PRAMEF1: variants seen among roughly 807,000 people sequenced by gnomAD.
The protein encoded by PRAMEF1 is PRAME family member 1.
PRAMEF1 carries 21 observed loss-of-function variants against 38.2 expected under a neutral mutation model. The ratio of observed to expected loss-of-function variants is 0.55; its 90% CI spans 0.39 to 0.79. The LOEUF (loss-of-function observed/expected upper bound fraction) is 0.79. Among genes scored for constraint, PRAMEF1 ranks in the 30% least tolerant of loss-of-function variants. The pLI is 0.00. For synonymous variants in PRAMEF1, 200 were observed against 229.0 expected (o/e 0.87, Z 1.14); for missense variants, 497 against 565.8 (o/e 0.88, Z 1.23).
chr1:12,794,601 T>C (rs1369211571), intron 3 of PRAMEF1, 108 bp downstream of exon 3: 2 of 1,537,004 alleles, frequency 1.3e-6, no homozygotes, highest in East Asian at 2.3e-5. Flanking sequence ...AACGTCACAG[T>C]GAAGGGGACA....
At position 12,795,598 on chromosome 1, in the gene PRAMEF1, C is replaced by T. The variant is rs752113237; in HGVS notation, c.1027C>T (p.Leu343=). The change falls in exon 4 of 4, where the codon CTG becomes TTG. Residue 343 remains leucine, a synonymous_variant. Coordinates refer to ENST00000332296, the MANE Select transcript of PRAMEF1 (RefSeq NM_023013.4). The part of the protein sequence containing the change: ...FRISLEPLGA[L]LEKIAASLKT... ...CATCAGTCTTGAACCCCTCGGAGCT[C>T]TGCTGGAGAAAATTGCTGCCTCTCT... is the stretch of plus-strand genomic sequence containing the variant. 4 of 1,612,128 alleles carry T rather than the reference C, an allele frequency of 2.5e-6. No individual in the cohort carries two copies. The highest frequency in any genetic ancestry group is 1.1e-5 in the South Asian group (1 of 90,988).
In PRAMEF1 at chr1:12,795,510, C is replaced by T. The variant is rs1489903603; in HGVS notation, c.939C>T (p.Leu313=). The T allele has an allele frequency of 6.2e-7, 1 of 1,612,310 alleles. No individual in the cohort carries two copies. Among genetic ancestry groups the T allele is most frequent in the African/African-American group, 1.3e-5 (1 of 74,754 alleles). Residue 313 remains leucine (L), a synonymous_variant, in exon 4 of 4, where the codon CTC becomes CTT. Coordinates refer to ENST00000332296, the MANE Select transcript of PRAMEF1 (RefSeq NM_023013.4). ...TATTGGAAGAAGACATGAAGTGTCT[C>T]TCCCAGTACCCAAGCCTCGGTTACC... ...GYLLEEDMKC[L]SQYPSLGYLK...
rs1639358960 is a variant in PRAMEF1, at chr1:12,794,584, C to T, written c.866+91C>T. ...TAGAATGCATGTACTGTGTGCCAGC[C>T]AGTGGCAACGTCACAGTGAAGGGGA... On this transcript the variant is annotated intron_variant, in intron 3 of 3. Transcript: ENST00000332296. The T allele has an allele frequency of 1.2e-5, 18 of 1,533,876 alleles. No individual in the cohort carries two copies. The South Asian group carries it at 1.9e-4, about 16-fold the overall frequency.
At position 12,795,759 on chromosome 1, in the gene PRAMEF1, C is replaced by T; in HGVS notation, c.1188C>T (p.Asp396=). 1.9e-6 allele frequency: 3 copies of T among 1,611,210 alleles called. No individual in the cohort carries two copies. The African/African-American group carries it at 4.0e-5, about 22-fold the overall frequency. The change falls in exon 4 of 4, where the codon GAC becomes GAT. Residue 396 remains aspartate (D), a synonymous_variant. Transcript: ENST00000332296. ...RNCMSIDALK[D]LLRHTSGLSK... is the part of the protein sequence containing the mutation. Reference sequence around the variant, plus strand: ...GCATGTCTATTGACGCCCTGAAGGACCTGCTGCGCCACACCAGTGGGCTGA... The same window carrying T: ...GCATGTCTATTGACGCCCTGAAGGATCTGCTGCGCCACACCAGTGGGCTGA...
intron 1 of PRAMEF1, among the ~76,000 whole-genome samples, chr1:12,791,691 C>T (rs1350992221): frequency 6.6e-6 from 1 of 150,746 alleles, no homozygotes; most frequent in Non-Finnish European, 1.5e-5. Flanking sequence ...CTTATCGAAG[C>T]AGGTTTTTTA....
rs1249013526 is a variant in PRAMEF1 at position 12,793,329 on chromosome 1, G to A, written c.102G>A (p.Val34=). 1.9e-5 allele frequency: 31 copies of A among 1,609,096 alleles called. 1 individual carries two copies. The highest frequency in any genetic ancestry group is 2.5e-5 in the Non-Finnish European group (30 of 1,177,808). ...SISAMEELPR[V]LYLPLFMEAF... ...CTGCCATGGAGGAGCTGCCCAGGGT[G>A]CTCTATCTCCCACTCTTCATGGAGG... Residue 34 remains valine, a synonymous_variant, in exon 2 of 4, where the codon GTG becomes GTA. Transcript: ENST00000332296.
chr1:12,794,194 A>G lies in PRAMEF1; in HGVS notation c.567A>G (p.Leu189=). 3.1e-6 allele frequency: 5 copies of G among 1,611,452 alleles called. No individual in the cohort carries two copies. The highest frequency in any genetic ancestry group is 4.2e-6 in the Non-Finnish European group (5 of 1,178,424). The stretch of plus-strand genomic sequence containing the variant: ...GCTGTAGTAAGCTGGTCAATTATCT[A>G]ACGCCGATTAAATATCTCAGAAAGT... ...HLCCSKLVNY[L]TPIKYLRKSL... is the part of the protein sequence containing the mutation. Residue 189 remains leucine, a synonymous_variant, in exon 3 of 4, where the codon CTA becomes CTG. Transcript: ENST00000332296.
intron 1 of PRAMEF1, among the ~76,000 whole-genome samples, chr1:12,792,270 C>T (rs1282908020): frequency 6.6e-6 from 1 of 151,354 alleles, no homozygotes. Context: ...GATCTGCCCA[C>T]CTCAGACTCC....
At position 12,793,199 on chromosome 1, in the gene PRAMEF1, C is replaced by G. The variant is rs1277464782; in HGVS notation, c.-25-4C>G. 2 of 1,606,044 alleles carry G rather than the reference C, an allele frequency of 1.2e-6. No individual in the cohort carries two copies. The highest frequency in any genetic ancestry group is 1.7e-5 in the Admixed American group (1 of 59,466). ...GACACATTTTCCCTGGATTTGTCTTCTAGAGATTTTCCTTGCAGATCTATC... is the reference window on the plus strand; with the variant it reads ...GACACATTTTCCCTGGATTTGTCTTGTAGAGATTTTCCTTGCAGATCTATC... On this transcript the variant is annotated splice_region_variant and splice_polypyrimidine_tract_variant and intron_variant, in intron 1 of 3. Transcript: ENST00000332296.
At chr1:12,794,969 G>C in intron 3 of PRAMEF1, 1 of 1,322,390 alleles carries the variant, frequency 7.6e-7, no homozygotes, top group South Asian at 1.2e-5. Context: ...CTCCAGGAAA[G>C]GTAATTGACA....
Position 12,796,360 on chromosome 1 carries a change from T to A in PRAMEF1, c.*364T>A, listed in dbSNP as rs1639405026. 2 of 298,212 alleles carry A rather than the reference T, an allele frequency of 6.7e-6. No homozygotes were observed. The highest frequency in any genetic ancestry group is 1.7e-4 in the East Asian group (2 of 11,892). 18.5% of individuals were successfully genotyped at this position (298,212 alleles called of 1,614,324 possible). A position where few individuals can be genotyped will look rare whatever the true frequency, so the allele number is the denominator to read the frequency against. ...GAGGAAAATGTTGAGGTGACATCAG[T>A]GAGAACTTCAGGGACCCGTGTCCTA... On this transcript the variant is annotated 3_prime_UTR_variant, in exon 4 of 4. Transcript: ENST00000332296.
rs774986448 is a variant in PRAMEF1 at position 12,793,369 on chromosome 1, C to T, written c.142C>T (p.His48Tyr). ...PLFMEAFSRR[H>Y]FQTLTVMVQA... Reference sequence around the variant, plus strand: ...CTTCATGGAGGCCTTCAGCAGGAGACACTTCCAGACTCTGACGGTGATGGT... The same window carrying T: ...CTTCATGGAGGCCTTCAGCAGGAGATACTTCCAGACTCTGACGGTGATGGT... Residue 48 changes from histidine (H) to tyrosine (Y), a missense_variant, in exon 2 of 4, where the codon CAC (histidine) becomes TAC (tyrosine). By Grantham distance (83) the His-to-Tyr change is moderately conservative (BLOSUM62 2). This residue lies in a region of PRAMEF1 where 470 missense variants were observed against 501.9 expected (regional missense o/e 0.94). Coordinates refer to ENST00000332296, the MANE Select transcript of PRAMEF1 (RefSeq NM_023013.4). 18 of 1,610,018 alleles carry T rather than the reference C, an allele frequency of 1.1e-5. No homozygotes were observed. In the South Asian group the frequency reaches 1.9e-4, roughly 17 times the overall value.
intron 3 of PRAMEF1, among the ~76,000 whole-genome samples, chr1:12,795,181 T>G (rs912557504): frequency 2.0e-5 from 3 of 149,098 alleles, no homozygotes; most frequent in Admixed American, 1.3e-4. Context: ...AGTTTTCTGC[T>G]AAAAGATGAA....
rs373176820 is a variant in PRAMEF1, at chr1:12,794,426, G to C, written c.799G>C (p.Glu267Gln). Residue 267 changes from glutamate (E) to glutamine (Q), a missense_variant, in exon 3 of 4, where the codon GAA (glutamate) becomes CAA (glutamine). Physicochemically the swap from Glu to Gln is conservative, Grantham distance 29. Around this residue, in one of 2 missense-constraint regions of PRAMEF1, gnomAD observed 470 missense variants for 501.9 expected, o/e 0.94. Coordinates refer to ENST00000332296, the MANE Select transcript of PRAMEF1 (RefSeq NM_023013.4). Reference protein sequence around the residue: ...AKFSSVFLRLEHLQLLKIKLI... With the variant: ...AKFSSVFLRLQHLQLLKIKLI... ...ATTCAGCTCTGTGTTCCTCAGGCTG[G>C]AACACCTTCAGTTGCTTAAAATAAA... is the stretch of plus-strand genomic sequence containing the variant. 62 of 1,610,540 alleles carry C rather than the reference G, an allele frequency of 3.8e-5. 4 individuals are homozygous for C. In the East Asian group the frequency reaches 1.2e-3, roughly 31 times the overall value.
rs763070868 is a variant in PRAMEF1 at position 12,794,164 on chromosome 1, C to T, written c.537C>T (p.His179=). ...TTTACCAAAGGAGAGGTTTAGTACA[C>T]CTGTGCTGTAGTAAGCTGGTCAATT... ...QWVYQRRGLV[H]LCCSKLVNYL... The change falls in exon 3 of 4, where the codon CAC becomes CAT. Residue 179 remains histidine (H), a synonymous_variant. Transcript: ENST00000332296. 1 of 1,611,158 alleles carries T rather than the reference C, an allele frequency of 6.2e-7. No homozygotes were observed. The highest frequency in any genetic ancestry group is 1.1e-5 in the South Asian group (1 of 90,824).
At chr1:12,793,745 T>C (rs558141195) in intron 2 of PRAMEF1, among the ~76,000 whole-genome samples, 170 bp from the exon 3 acceptor site, 4 of 151,316 alleles carry the variant, frequency 2.6e-5, no homozygotes, top group East Asian at 3.9e-4. Flanking sequence ...GTAAAGGGAA[T>C]AGAAGTGGGG....
At chr1:12,794,611 A>G (rs1222955435) in intron 3 of PRAMEF1, 118 bp downstream of exon 3, 3 of 1,535,148 alleles carry the variant, frequency 2.0e-6, no homozygotes, top group African/African-American at 2.7e-5. Flanking sequence ...TGAAGGGGAC[A>G]TCAGAATGTC....
At chr1:12,793,608 A>G in intron 2 of PRAMEF1, 94 bp downstream of exon 2, 1 of 1,550,640 alleles carries the variant, frequency 6.4e-7, no homozygotes, top group Non-Finnish European at 8.8e-7. Context: ...TGTGGCCCAG[A>G]GTCTTCTGAT....
chr1:12,794,468 A>G lies in PRAMEF1; in HGVS notation c.841A>G (p.Ser281Gly). The stretch of plus-strand genomic sequence containing the variant: ...TAAAATAAAATTGATCACCTTCTTC[A>G]GTGGGCACCTGGAACAGCTGATCAG... ...LLKIKLITFF[S>G]GHLEQLIRCL... is the part of the protein sequence containing the mutation. The change falls in exon 3 of 4, where the codon AGT becomes GGT. Residue 281 changes from serine (S) to glycine (G), a missense_variant. This residue lies in a region of PRAMEF1 where 470 missense variants were observed against 501.9 expected (regional missense o/e 0.94). Coordinates refer to ENST00000332296, the MANE Select transcript of PRAMEF1 (RefSeq NM_023013.4). The G allele has an allele frequency of 6.2e-7, 1 of 1,610,340 alleles. No homozygotes were observed. Among genetic ancestry groups the G allele is most frequent in the Non-Finnish European group, 8.5e-7 (1 of 1,177,854 alleles).
Sources: allele counts gnomAD v4.1 joint callset (sites outside exome capture counted in the v4.1 genomes callset), GRCh38; gene constraint gnomAD v4.1.1; regional missense constraint gnomAD v4.1.1; transcripts MANE v1.5; gene names NCBI Gene and HGNC (gene_info 2026-07-23, HGNC 2026-07-21).